The following AKR1C3 variants were observed in gnomAD, a reference collection of about 807,000 sequenced individuals.
AKR1C3 encodes the protein 3-alpha hydroxysteroid dehydrogenase, type II.
A neutral mutation model predicts 43.6 loss-of-function variants in AKR1C3; 48 were observed. The ratio of observed to expected loss-of-function variants is 1.10; its 90% CI spans 0.87 to 1.40. The LOEUF is 1.40. Among genes scored for constraint, AKR1C3 ranks in the 40% most tolerant of loss-of-function variants. AKR1C3 has a pLI of 0.00. For synonymous variants in AKR1C3, 162 were observed against 139.6 expected, an observed-to-expected ratio of 1.16 and a Z score of -1.13; for missense variants, 482 against 391.2, an observed-to-expected ratio of 1.23 and a Z score of -1.96.
intron 1 of AKR1C3, among the ~76,000 whole-genome samples, chr10:5,072,002 C>T (rs1399014767): frequency 6.6e-6 from 1 of 152,174 alleles, no homozygotes; most frequent in Non-Finnish European, 1.5e-5. Flanking sequence ...CTGTCCTCAC[C>T]ATGTTAATCA....
At position 5,065,549 on chromosome 10, in the gene AKR1C3, A is replaced by C. The variant is rs149920173; in HGVS notation, c.84+16654A>C. ...CAAAATGCAGAAAAAAATGCAAGGA[A>C]AGAATAAAGTAGCAAAAGGAGATAT... On this transcript the variant is annotated intron_variant, in intron 1 of 8. Coordinates refer to the AKR1C3 transcript ENST00000439082. Among the ~76,000 whole-genome samples the C allele has an allele frequency of 1.1e-4, 17 of 152,318 alleles. No individual in the cohort carries two copies. The East Asian group carries it at 3.1e-3, about 28-fold the overall frequency.
chr10:5,058,755 A>C (rs2131781180), intron 1 of AKR1C3, among the ~76,000 whole-genome samples: 1 of 152,308 alleles, frequency 6.6e-6, no homozygotes, highest in East Asian at 1.9e-4. Context: ...TGGAGGACCA[A>C]GGAAGGTTGG....
intron 1 of AKR1C3, among the ~76,000 whole-genome samples, chr10:5,086,815 T>G (rs1481284816): frequency 6.6e-6 from 1 of 152,232 alleles, no homozygotes; most frequent in African/African-American, 2.4e-5. Context: ...GAATTGATCC[T>G]TTTACCATTA....
At chr10:5,095,844 A>T (rs2518049) in intron 1 of AKR1C3, among the ~76,000 whole-genome samples, 1 of 152,020 alleles carries the variant, frequency 6.6e-6, no homozygotes, top group African/African-American at 2.4e-5. Flanking sequence ...CAGAATGACT[A>T]TGCAGAAAAG....
intron 4 of AKR1C3, 32 bp from the exon 5 acceptor site, chr10:5,099,295 C>G: frequency 6.2e-7 from 1 of 1,613,656 alleles, no homozygotes; most frequent in Non-Finnish European, 8.5e-7. Flanking sequence ...GCCAACTGCA[C>G]AAATAATTCC....
chr10:5,092,063 AG>A (rs59130195), upstream of AKR1C3, among the ~76,000 whole-genome samples: 30,777 of 152,044 alleles, frequency 0.2, 4,064 homozygotes, highest in East Asian at 0.65. Flanking sequence ...TGCCAAATAT[AG>A]ATTTGTTGGT....
Position 5,097,439 on chromosome 10 carries a change from G to T in AKR1C3, c.258G>T (p.Trp86Cys). Residue 86 changes from tryptophan to cysteine, a missense_variant, in exon 3 of 9, where the codon TGG (tryptophan) becomes TGT (cysteine). Trp to Cys is a radical substitution (Grantham distance 215, BLOSUM62 -2). Coordinates refer to ENST00000380554, the MANE Select transcript of AKR1C3 (RefSeq NM_003739.6). ...CCATTCTTTAACCTCTGCAGCTTTG[G>T]TCCACTTTTCATCGACCAGAGTTGG... ...REDIFYTSKLWSTFHRPELVR... is the reference protein window; with the variant it reads ...REDIFYTSKLCSTFHRPELVR... 1 of 1,613,320 alleles carries T rather than the reference G, an allele frequency of 6.2e-7. No homozygotes were observed. The highest frequency in any genetic ancestry group is 8.5e-7 in the Non-Finnish European group (1 of 1,179,618).
At chr10:5,064,082 A>G (rs1838443234) in intron 1 of AKR1C3, among the ~76,000 whole-genome samples, 1 of 152,214 alleles carries the variant, frequency 6.6e-6, no homozygotes, top group South Asian at 2.1e-4. Flanking sequence ...ATTTGGTAAA[A>G]TTATATCGTG....
At chr10:5,067,718 A>G (rs1227148298) in intron 1 of AKR1C3, among the ~76,000 whole-genome samples, 1 of 152,216 alleles carries the variant, frequency 6.6e-6, no homozygotes, top group African/African-American at 2.4e-5. Context: ...ATTCCCAGGA[A>G]TATGGGGCCA....
chr10:5,071,789 C>T (rs1447913703), intron 1 of AKR1C3, among the ~76,000 whole-genome samples: 1 of 152,208 alleles, frequency 6.6e-6, no homozygotes. Flanking sequence ...TTAGCAAACC[C>T]AGAGGGACTA....
intron 6 of AKR1C3, 135 bp from the exon 7 acceptor site, chr10:5,102,350 A>G: frequency 6.3e-7 from 1 of 1,598,108 alleles, no homozygotes; most frequent in Non-Finnish European, 8.5e-7. Flanking sequence ...GAGATCTTGG[A>G]TGATGCTGAT....
intron 3 of AKR1C3, chr10:5,097,804 C>G (rs1839245548): frequency 8.2e-7 from 1 of 1,225,144 alleles, no homozygotes; most frequent in Admixed American, 3.7e-5. Context: ...ACAATAGTCT[C>G]TTTCAAGGCA....
chr10:5,088,360 C>G (rs898502818), intron 1 of AKR1C3, among the ~76,000 whole-genome samples: 2 of 151,878 alleles, frequency 1.3e-5, no homozygotes, highest in East Asian at 3.9e-4. Context: ...CAGCTTAAGT[C>G]CAGAGAGTTT....
At chr10:5,066,006 G>A (rs1838493476) in intron 1 of AKR1C3, among the ~76,000 whole-genome samples, 1 of 152,114 alleles carries the variant, frequency 6.6e-6, no homozygotes, top group African/African-American at 2.4e-5. Flanking sequence ...GATGGCCAGG[G>A]GTGGTGTCTT....
At chr10:5,080,318 T>C (rs1485741089) in intron 1 of AKR1C3, among the ~76,000 whole-genome samples, 1 of 152,184 alleles carries the variant, frequency 6.6e-6, no homozygotes, top group Non-Finnish European at 1.5e-5. Context: ...TTTAGTTTTG[T>C]AATTATAAGA....
At chr10:5,076,950 ATC>A (rs1838728264) in intron 1 of AKR1C3, among the ~76,000 whole-genome samples, 1 of 152,234 alleles carries the variant, frequency 6.6e-6, no homozygotes, top group Non-Finnish European at 1.5e-5. Flanking sequence ...AAATTAAAAT[ATC>A]TTTGTATTTG....
At chr10:5,083,354 G>T (rs1299708390) in intron 1 of AKR1C3, among the ~76,000 whole-genome samples, 3 of 151,634 alleles carry the variant, frequency 2.0e-5, no homozygotes, top group African/African-American at 4.9e-5. Context: ...TGTGATAGTT[G>T]GCTGAGAATG....
At chr10:5,064,577 A>C (rs782818959) in intron 1 of AKR1C3, among the ~76,000 whole-genome samples, 9 of 152,212 alleles carry the variant, frequency 5.9e-5, no homozygotes, top group South Asian at 2.1e-4. Flanking sequence ...AGACACTAGC[A>C]ACAGAATAAA....
chr10:5,048,876 G>A, exon 1 of AKR1C3: 1 of 1,613,704 alleles, frequency 6.2e-7, no homozygotes, highest in Non-Finnish European at 8.5e-7. Flanking sequence ...CTGGGATTTG[G>A]CACCTATGCA....
Sources: gnomAD v4.1 joint callset for allele counts (sites outside exome capture counted in the v4.1 genomes callset) on GRCh38, gnomAD v4.1.1 for gene constraint, MANE v1.5 for transcripts, NCBI Gene and HGNC (gene_info 2026-07-23, HGNC 2026-07-21) for gene names.